The following LRRC38 variants were observed in gnomAD, a reference collection of about 807,000 sequenced individuals.
The protein encoded by LRRC38 is leucine rich repeat containing 38, also known as leucine-rich repeat-containing protein 38.
LRRC38 carries 5 observed loss-of-function variants against 16.4 expected under a neutral mutation model. The ratio of observed to expected loss-of-function variants is 0.31; its 90% confidence interval spans 0.16 to 0.64. LRRC38 has a LOEUF of 0.64. Ranked by LOEUF, LRRC38 falls within the 30% of genes least tolerant of loss-of-function variation. The pLI, the probability that LRRC38 is intolerant of heterozygous loss-of-function variation, is 0.80. For synonymous variants in LRRC38, 191 were observed against 190.2 expected, an observed-to-expected ratio of 1.00 and a Z score of -0.04; for missense variants, 341 against 401.8, an observed-to-expected ratio of 0.85 and a Z score of 1.29.
At chr1:13,499,674 C>T (rs949044029) in intron 1 of LRRC38, among the ~76,000 whole-genome samples, 1 of 152,122 alleles carries the variant, frequency 6.6e-6, no homozygotes, top group Admixed American at 6.5e-5. Context: ...TACCCCAGGG[C>T]TCAGGCCAGT....
intron 1 of LRRC38, among the ~76,000 whole-genome samples, chr1:13,484,847 C>T (rs1167330833): frequency 2.6e-5 from 4 of 152,150 alleles, no homozygotes; most frequent in African/African-American, 7.2e-5. Context: ...GATCCTGGTT[C>T]GCAGATAAGC....
intron 1 of LRRC38, among the ~76,000 whole-genome samples, chr1:13,483,353 T>A (rs1363632581): frequency 6.6e-6 from 1 of 152,118 alleles, no homozygotes; most frequent in African/African-American, 2.4e-5. Context: ...GGTTTCACTT[T>A]GGCCAGGTTG....
Position 13,512,959 on chromosome 1 carries a change from TCAC to T in LRRC38, c.631+1_631+3del. On this transcript the variant is annotated splice_donor_variant and splice_donor_region_variant and intron_variant, in intron 1 of 1. Coordinates refer to ENST00000376085, the MANE Select transcript of LRRC38 (RefSeq NM_001010847.2). LOFTEE classifies it high-confidence loss of function. ...CCTCCCCCAGCCTAGCCGGCTCGGC[TCAC>T]CTTTGGGCAGTTTGGATGCGTTCTC... 1.0e-6 allele frequency: 1 copy of T among 984,104 alleles called. No individual in the cohort carries two copies. Among genetic ancestry groups the T allele is most frequent in the Non-Finnish European group, 1.4e-6 (1 of 721,428 alleles). 61.0% of individuals were successfully genotyped at this position (984,104 alleles called of 1,614,324 possible).
Position 13,513,036 on chromosome 1 carries a change from G to A in LRRC38, c.558C>T (p.Asn186=). 6.5e-7 allele frequency: 1 copy of A among 1,549,944 alleles called. No individual in the cohort carries two copies. The stretch of plus-strand genomic sequence containing the variant: ...CGAAGTCACAGTCGCACAGCCAGGG[G>A]TTCCCGTCCAGACGCAGGGAGCGCA... ...PALRSLRLDG[N]PWLCDCDFAH... The change falls in exon 1 of 2, where the codon AAC becomes AAT. Residue 186 remains asparagine (N), a synonymous_variant. Transcript: ENST00000376085.
rs569413131 is a variant in LRRC38, at chr1:13,498,818, C to A, written c.631+14145G>T. On this transcript the variant is annotated intron_variant, in intron 1 of 1. Transcript: ENST00000376085. ...GCTTATACAACGGAAATGCTTGTCTCAGAATTCTGCAGGCTGAACATCTGA... is the reference window on the plus strand; with the variant it reads ...GCTTATACAACGGAAATGCTTGTCTAAGAATTCTGCAGGCTGAACATCTGA... Among the ~76,000 whole-genome samples, 6 of 152,256 alleles carry A rather than the reference C, an allele frequency of 3.9e-5. No individual in the cohort carries two copies. In the East Asian group the frequency reaches 1.2e-3, roughly 29 times the overall value.
At chr1:13,507,183 T>A (rs971233270) in intron 1 of LRRC38, among the ~76,000 whole-genome samples, 5 of 152,178 alleles carry the variant, frequency 3.3e-5, no homozygotes, top group African/African-American at 1.2e-4. Flanking sequence ...AAGCTTGCAG[T>A]TGGCTTGGCA....
At chr1:13,495,439 T>C (rs934580178) in intron 1 of LRRC38, among the ~76,000 whole-genome samples, 2 of 151,990 alleles carry the variant, frequency 1.3e-5, no homozygotes, top group African/African-American at 4.8e-5. Context: ...TGCTGCAGGC[T>C]TAAGGGCTCC....
chr1:13,488,225 TTCTC>T (rs1186260266), intron 1 of LRRC38, among the ~76,000 whole-genome samples: 3 of 152,126 alleles, frequency 2.0e-5, no homozygotes, highest in African/African-American at 7.2e-5. Flanking sequence ...CTTTCCAGTT[TTCTC>T]TCTTAGAACT....
chr1:13,479,582 C>T (rs1033923358), intron 1 of LRRC38, among the ~76,000 whole-genome samples: 8 of 152,186 alleles, frequency 5.3e-5, no homozygotes, highest in Admixed American at 1.3e-4. Flanking sequence ...CACATTTCTC[C>T]GTGGCTAGAA....
chr1:13,483,517 G>A (rs1167562041), intron 1 of LRRC38, among the ~76,000 whole-genome samples: 1 of 152,152 alleles, frequency 6.6e-6, no homozygotes, highest in South Asian at 2.1e-4. Flanking sequence ...ACCATGAGCT[G>A]GAAAGGCTGG....
At position 13,475,374 on chromosome 1, in the gene LRRC38, C is replaced by T. The variant is rs1276739245; in HGVS notation, c.*472G>A. 6.2e-6 allele frequency: 1 copy of T among 162,028 alleles called. No homozygotes were observed. The highest frequency in any genetic ancestry group is 2.4e-5 in the African/African-American group (1 of 41,706). 10.0% of individuals were successfully genotyped at this position (162,028 alleles called of 1,614,324 possible). The stretch of plus-strand genomic sequence containing the variant: ...GGCCTATTATATAAGGATCAAAGTT[C>T]TCGTTCTTGTGGTGAATGATCCGAA... On this transcript the variant is annotated 3_prime_UTR_variant, in exon 2 of 2. Transcript: ENST00000376085. This position sits in a 1 kb window ranked among gnomAD's most constrained non-coding sequence, Gnocchi z 4.3.
At chr1:13,504,961 GC>G (rs773040730) in intron 1 of LRRC38, among the ~76,000 whole-genome samples, 1 of 152,092 alleles carries the variant, frequency 6.6e-6, no homozygotes, top group African/African-American at 2.4e-5. Context: ...TGTTTCCTGT[GC>G]CCCAGTTCTG....
intron 1 of LRRC38, among the ~76,000 whole-genome samples, chr1:13,505,480 C>A (rs556337410): frequency 6.6e-6 from 1 of 152,332 alleles, no homozygotes; most frequent in Non-Finnish European, 1.5e-5. Flanking sequence ...GTGATTTGGG[C>A]CCGTCCCTGG....
chr1:13,497,620 T>C (rs978445842), intron 1 of LRRC38, among the ~76,000 whole-genome samples: 5 of 123,852 alleles, frequency 4.0e-5, no homozygotes, highest in Non-Finnish European at 6.4e-5. Context: ...TTCTGAAAAC[T>C]TCATATGCAA....
intron 1 of LRRC38, among the ~76,000 whole-genome samples, chr1:13,491,004 G>A (rs1639005347): frequency 6.6e-6 from 1 of 152,188 alleles, no homozygotes; most frequent in Non-Finnish European, 1.5e-5. Flanking sequence ...AGAAACTCCT[G>A]CTATTTATCA....
At chr1:13,502,367 T>C (rs1358982814) in intron 1 of LRRC38, among the ~76,000 whole-genome samples, 1 of 152,212 alleles carries the variant, frequency 6.6e-6, no homozygotes, top group African/African-American at 2.4e-5. Context: ...TTCTTTCCCC[T>C]GACCTCGGGG....
intron 1 of LRRC38, among the ~76,000 whole-genome samples, chr1:13,504,799 A>C: frequency 6.9e-6 from 1 of 145,942 alleles, no homozygotes; most frequent in Non-Finnish European, 1.5e-5. Flanking sequence ...GAAAGAAGAG[A>C]CAGAGAGAAA....
intron 1 of LRRC38, among the ~76,000 whole-genome samples, chr1:13,485,856 G>T (rs1638926082): frequency 6.6e-6 from 1 of 152,228 alleles, no homozygotes; most frequent in South Asian, 2.1e-4. Flanking sequence ...CCAGAATTCT[G>T]AAATTAAGGT....
At chr1:13,503,418 T>C (rs1639173992) in intron 1 of LRRC38, among the ~76,000 whole-genome samples, 1 of 151,834 alleles carries the variant, frequency 6.6e-6, no homozygotes, top group Admixed American at 6.6e-5. Flanking sequence ...ACAGGCATGC[T>C]CCACCATGCC....
Sources: gnomAD v4.1 joint callset for allele counts (sites outside exome capture counted in the v4.1 genomes callset) on GRCh38, gnomAD v4.1.1 for gene constraint, Gnocchi (gnomAD v3.1) non-coding constraint, MANE v1.5 for transcripts, NCBI Gene and HGNC (gene_info 2026-07-23, HGNC 2026-07-21) for gene names.